NLRP1: variants seen among roughly 807,000 people sequenced by gnomAD.
The protein encoded by NLRP1 is NACHT, LRR and PYD domains-containing protein 1.
In NLRP1, 94 loss-of-function variants were observed where a neutral mutation model predicts 136.7. That is an observed-to-expected ratio of 0.69 (90% CI 0.58 to 0.82). The LOEUF (loss-of-function observed/expected upper bound fraction) is 0.82. NLRP1 is among the 40% of genes least tolerant of loss of function. The pLI is 0.00. For synonymous variants in NLRP1, 690 were observed against 725.1 expected, an observed-to-expected ratio of 0.95 and a Z score of 0.78; for missense variants, 1,575 against 1,802.7, an observed-to-expected ratio of 0.87 and a Z score of 2.29.
downstream of NLRP1, among the ~76,000 whole-genome samples, chr17:5,511,767 C>T (rs1025774717): frequency 2.9e-5 from 4 of 138,546 alleles, no homozygotes; most frequent in Non-Finnish European, 6.1e-5. Flanking sequence ...TTTTCTTTCT[C>T]TTTCTCTTTC....
At position 5,514,307 on chromosome 17, in the gene NLRP1, TG is replaced by T; in HGVS notation, c.*446del. 1 of 605,636 alleles carries T rather than the reference TG, an allele frequency of 1.7e-6. No individual in the cohort carries two copies. The highest frequency in any genetic ancestry group is 6.4e-5 in the South Asian group (1 of 15,652). 37.5% of individuals were successfully genotyped at this position (605,636 alleles called of 1,614,324 possible). On this transcript the variant is annotated 3_prime_UTR_variant, in exon 17 of 17. Coordinates refer to ENST00000572272, the MANE Select transcript of NLRP1 (RefSeq NM_033004.4). ...GAATAAACTTCCTTCCACTTTACTC[TG>T]TTGGCTTGCTCTTGTAGATCTTCCT...
chr17:5,539,338 C>A, intron 7 of NLRP1, 77 bp downstream of exon 7: 1 of 1,397,502 alleles, frequency 7.2e-7, no homozygotes. Context: ...ATGCATTTAT[C>A]AGTCCTTTTT....
At chr17:5,555,570 CT>C (rs1217060165) in intron 4 of NLRP1, among the ~76,000 whole-genome samples, 1 of 152,106 alleles carries the variant, frequency 6.6e-6, no homozygotes, top group African/African-American at 2.4e-5. Context: ...CAGCCACCAT[CT>C]GGTCTCTGCC....
intron 3 of NLRP1, among the ~76,000 whole-genome samples, chr17:5,574,204 T>A (rs1904757890): frequency 6.6e-6 from 1 of 152,120 alleles, no homozygotes; most frequent in African/African-American, 2.4e-5. Context: ...AGAAAGGGTA[T>A]CAGTGATTGA....
intron 14 of NLRP1, among the ~76,000 whole-genome samples, chr17:5,519,057 C>T (rs1908531192): frequency 6.6e-6 from 1 of 151,128 alleles, no homozygotes; most frequent in Non-Finnish European, 1.5e-5. Context: ...GGCTGGAGCA[C>T]AGTGGCACAA....
chr17:5,583,991 TGTTC>T lies in NLRP1; in HGVS notation c.-38_-35del. The T allele has an allele frequency of 6.3e-7, 1 of 1,591,234 alleles. No homozygotes were observed. Among genetic ancestry groups the T allele is most frequent in the Non-Finnish European group, 8.6e-7 (1 of 1,167,750 alleles). The stretch of plus-strand genomic sequence containing the variant: ...CGGAGTTAAGAGGGTGTCTGGGGGA[TGTTC>T]CCAGGTGGTGAGGGTATCAGGCAGG... On this transcript the variant is annotated 5_prime_UTR_variant, in exon 1 of 17. Transcript: ENST00000572272. This position sits in a 1 kb window ranked among gnomAD's most constrained non-coding sequence, Gnocchi z 4.5.
At chr17:5,517,690 C>T in intron 15 of NLRP1, 56 bp downstream of exon 15, 1 of 1,603,326 alleles carries the variant, frequency 6.2e-7, no homozygotes, top group Non-Finnish European at 8.5e-7. Flanking sequence ...CCAGCTCCTT[C>T]ATTGATTTTC....
chr17:5,545,371 GACACAGACACCCAC>G (rs1162937076), intron 5 of NLRP1, among the ~76,000 whole-genome samples: 1 of 123,106 alleles, frequency 8.1e-6, no homozygotes, highest in East Asian at 3.7e-4. Context: ...CACCCACACA[GACACAGACACCCAC>G]ACACAGACAC....
At chr17:5,562,330 T>C (rs1435779583) in intron 3 of NLRP1, among the ~76,000 whole-genome samples, 7 of 151,952 alleles carry the variant, frequency 4.6e-5, no homozygotes, top group Non-Finnish European at 4.4e-5. Context: ...CTGACAGAGG[T>C]GAGATGTCCG....
intron 13 of NLRP1, 53 bp from the exon 14 acceptor site, chr17:5,521,065 G>T (rs1908839728): frequency 6.6e-7 from 1 of 1,515,886 alleles, no homozygotes; most frequent in South Asian, 1.3e-5. Context: ...CGTGGAATGT[G>T]GTTTGAATAG....
chr17:5,569,952 A>G (rs1425268084), intron 3 of NLRP1, among the ~76,000 whole-genome samples: 3 of 152,164 alleles, frequency 2.0e-5, no homozygotes, highest in African/African-American at 7.2e-5. Flanking sequence ...AAAAATCAAT[A>G]CTAAGAAGAT....
chr17:5,513,738 G>A (rs1196861404), downstream of NLRP1, among the ~76,000 whole-genome samples: 1 of 152,108 alleles, frequency 6.6e-6, no homozygotes, highest in Non-Finnish European at 1.5e-5. Flanking sequence ...TGTCTGAGGT[G>A]GGGATAAGAT....
chr17:5,568,445 C>G (rs2151814712), intron 3 of NLRP1, among the ~76,000 whole-genome samples: 1 of 152,192 alleles, frequency 6.6e-6, no homozygotes, highest in East Asian at 1.9e-4. Context: ...CATTTATCTG[C>G]TAGAATTCTG....
intron 4 of NLRP1, 29 bp downstream of exon 4, chr17:5,558,310 C>G (rs371506526): frequency 6.4e-7 from 1 of 1,565,356 alleles, no homozygotes; most frequent in Non-Finnish European, 8.6e-7. Context: ...GACAGAGGAG[C>G]TGCAGACATG....
At chr17:5,574,150 C>T (rs1416009568) in intron 3 of NLRP1, among the ~76,000 whole-genome samples, 1 of 152,116 alleles carries the variant, frequency 6.6e-6, no homozygotes, top group Non-Finnish European at 1.5e-5. Context: ...ACGAGAACTA[C>T]GTGAAGAATG....
intron 6 of NLRP1, among the ~76,000 whole-genome samples, chr17:5,539,987 C>A (rs1911658582): frequency 3.3e-5 from 5 of 152,210 alleles, no homozygotes; most frequent in Non-Finnish European, 1.5e-5. Flanking sequence ...GGGTGAGCCA[C>A]CGTGCCCGGC....
chr17:5,582,984 C>G (rs1169549010), intron 1 of NLRP1, 138 bp from the exon 2 acceptor site: 4 of 653,382 alleles, frequency 6.1e-6, no homozygotes, highest in Non-Finnish European at 1.1e-5. Context: ...CTACAACTTC[C>G]TCTAGAGGCT....
Position 5,559,139 on chromosome 17 carries a change from C to T in NLRP1, c.1557G>A (p.Val519=), listed in dbSNP as rs201732099. The T allele has an allele frequency of 7.4e-6, 12 of 1,614,174 alleles. No individual in the cohort carries two copies. Among genetic ancestry groups the T allele is most frequent in the Non-Finnish European group, 9.3e-6 (11 of 1,180,024 alleles). Residue 519 remains valine, a synonymous_variant, in exon 4 of 17, where the codon GTG becomes GTA. Coordinates refer to ENST00000572272, the MANE Select transcript of NLRP1 (RefSeq NM_033004.4). ...SNKELWALCL[V]PWVSWLACTC... is the part of the protein sequence containing the mutation. The stretch of plus-strand genomic sequence containing the variant: ...TGCAGGCCAGCCAGGACACCCAGGG[C>T]ACAAGACACAGGGCCCAGAGCTCTT...
chr17:5,537,014 T>A lies in NLRP1; in HGVS notation c.2871-74A>T. 3.7e-6 allele frequency: 4 copies of A among 1,077,626 alleles called. No individual in the cohort carries two copies. The highest frequency in any genetic ancestry group is 5.7e-6 in the Non-Finnish European group (4 of 697,678). The allele number at this position is 1,077,626 out of a possible 1,614,324, so 66.8% of individuals were successfully genotyped here. On this transcript the variant is annotated intron_variant, in intron 7 of 16. Transcript: ENST00000572272. This position sits in a 1 kb window ranked among gnomAD's most constrained non-coding sequence, Gnocchi z 4.5. ...CCCAGGTCCCCAGGGCCCAGAATCC[T>A]GGGACCTGTCACCTTCTGAGGCAGC...
Sources: allele counts gnomAD v4.1 joint callset (sites outside exome capture counted in the v4.1 genomes callset), GRCh38; gene constraint gnomAD v4.1.1; non-coding constraint Gnocchi (gnomAD v3.1); transcripts MANE v1.5; gene names NCBI Gene and HGNC (gene_info 2026-07-23, HGNC 2026-07-21).